The following IL1RAPL1 variants were observed in gnomAD, a reference collection of about 807,000 sequenced individuals.
IL1RAPL1 encodes interleukin-1 receptor accessory protein-like 1.
Under a neutral mutation model 48.4 loss-of-function variants are expected in IL1RAPL1, and 3 were observed. That is an observed-to-expected ratio of 0.06 (90% CI 0.03 to 0.16). The LOEUF (loss-of-function observed/expected upper bound fraction) is 0.16. IL1RAPL1 is among the 10% of genes least tolerant of loss of function. The pLI, the probability that IL1RAPL1 is intolerant of heterozygous loss-of-function variation, is 1.00. For synonymous variants in IL1RAPL1, 185 were observed against 187.7 expected (o/e 0.99, Z 0.12); for missense variants, 349 against 530.6 (o/e 0.66, Z 3.36).
chrX:29,128,137 G>A (rs981158865), intron 2 of IL1RAPL1, among the ~76,000 whole-genome samples: 1 of 110,703 alleles, frequency 9.0e-6, no homozygotes, highest in African/African-American at 3.3e-5. Context: ...ACTATACATT[G>A]AGGAAATTGA....
chrX:29,402,389 A>G (rs1233304546), intron 5 of IL1RAPL1, among the ~76,000 whole-genome samples: 11 of 111,404 alleles, frequency 9.9e-5, no homozygotes, highest in Admixed American at 9.6e-4. Flanking sequence ...TAGCATCTCT[A>G]TTGCAGCACT....
intron 3 of IL1RAPL1, among the ~76,000 whole-genome samples, chrX:29,378,760 C>T (rs1933656063): frequency 9.0e-6 from 1 of 111,556 alleles, no homozygotes; most frequent in Non-Finnish European, 1.9e-5. Context: ...CATTTGCAGC[C>T]ATGCTCTGTG....
At chrX:29,521,732 A>C (rs925742761) in intron 5 of IL1RAPL1, among the ~76,000 whole-genome samples, 9 of 111,922 alleles carry the variant, frequency 8.0e-5, no homozygotes, top group African/African-American at 2.9e-4. Context: ...GTAATTCCAC[A>C]GTCCCCAAAG....
chrX:29,603,478 A>G (rs1923791752), intron 5 of IL1RAPL1, among the ~76,000 whole-genome samples: 1 of 111,812 alleles, frequency 8.9e-6, no homozygotes, highest in African/African-American at 3.3e-5. Context: ...TGTGTTTTCC[A>G]ACATACGGAT....
intron 1 of IL1RAPL1, among the ~76,000 whole-genome samples, chrX:28,738,279 C>G (rs1266869142): frequency 8.9e-6 from 1 of 111,738 alleles, no homozygotes; most frequent in African/African-American, 3.2e-5. Context: ...TTTTAGAAAT[C>G]TACTTCATGT....
At chrX:29,488,435 TCAA>T (rs754305190) in intron 5 of IL1RAPL1, among the ~76,000 whole-genome samples, 1 of 111,781 alleles carries the variant, frequency 8.9e-6, no homozygotes, top group Non-Finnish European at 1.9e-5. Flanking sequence ...AGACTCCATC[TCAA>T]CAACAACAAC....
chrX:29,049,273 T>A (rs945260082), intron 2 of IL1RAPL1, among the ~76,000 whole-genome samples: 1 of 112,608 alleles, frequency 8.9e-6, no homozygotes, highest in Non-Finnish European at 1.9e-5. Context: ...CTTGGTATAA[T>A]GTTCCCTCCG....
intron 3 of IL1RAPL1, among the ~76,000 whole-genome samples, chrX:29,305,007 T>C (rs900330476): frequency 2.7e-5 from 3 of 112,354 alleles, no homozygotes; most frequent in Non-Finnish European, 5.6e-5. Context: ...GTGCTAATCA[T>C]TGAAGAACCT....
At chrX:29,308,985 T>C (rs1323461365) in intron 3 of IL1RAPL1, among the ~76,000 whole-genome samples, 1 of 112,336 alleles carries the variant, frequency 8.9e-6, no homozygotes, top group East Asian at 2.8e-4. Context: ...GGCTTTATCT[T>C]AAACACCAGC....
intron 2 of IL1RAPL1, among the ~76,000 whole-genome samples, chrX:29,188,132 C>T (rs929543810): frequency 8.9e-6 from 1 of 111,925 alleles, no homozygotes; most frequent in Non-Finnish European, 1.9e-5. Context: ...CAGCCTCAAC[C>T]ATGTGGTTAA....
At chrX:29,434,070 ATATTT>A (rs944223338) in intron 5 of IL1RAPL1, among the ~76,000 whole-genome samples, 1 of 109,711 alleles carries the variant, frequency 9.1e-6, no homozygotes, top group African/African-American at 3.3e-5. Context: ...TATAAAATAG[ATATTT>A]TATATTAATT....
chrX:29,656,426 C>T lies in IL1RAPL1; in HGVS notation c.704-12004C>T, dbSNP rs138320563. 4.1e-3 allele frequency among the ~76,000 whole-genome samples: 450 copies of T among 110,526 alleles called. 1 individual carries two copies. Among genetic ancestry groups the T allele is most frequent in the African/African-American group, 0.014 (436 of 30,356 alleles). On this transcript the variant is annotated intron_variant, in intron 5 of 10. Transcript: ENST00000378993. The stretch of plus-strand genomic sequence containing the variant: ...CTTTAATCCCGCACTCCCCTCCCAT[C>T]CTTCCCCCAACTCCCCAGAGTCCAT...
intron 6 of IL1RAPL1, among the ~76,000 whole-genome samples, chrX:29,816,885 T>C (rs1930506698): frequency 9.0e-6 from 1 of 110,532 alleles, no homozygotes; most frequent in Non-Finnish European, 1.9e-5. Context: ...GTAGCCTCTA[T>C]GTAAATATCG....
At chrX:29,365,692 A>G (rs1239583966) in intron 3 of IL1RAPL1, among the ~76,000 whole-genome samples, 3 of 109,757 alleles carry the variant, frequency 2.7e-5, no homozygotes, top group African/African-American at 1.0e-4. Flanking sequence ...CTCAAAAAAC[A>G]AAGAAAGAAA....
At chrX:28,589,201 G>A (rs1021185712) in intron 1 of IL1RAPL1, among the ~76,000 whole-genome samples, 4 of 111,373 alleles carry the variant, frequency 3.6e-5, no homozygotes, top group African/African-American at 1.3e-4. Flanking sequence ...GAGGGGAGAA[G>A]ATATGTGGAT....
intron 1 of IL1RAPL1, among the ~76,000 whole-genome samples, chrX:28,733,719 C>G (rs1935784950): frequency 9.0e-6 from 1 of 111,131 alleles, no homozygotes; most frequent in Non-Finnish European, 1.9e-5. Flanking sequence ...CTTCTCAATT[C>G]ACTTCCTTAG....
chrX:29,865,424 G>C (rs5973214), intron 6 of IL1RAPL1, among the ~76,000 whole-genome samples: 1 of 110,915 alleles, frequency 9.0e-6, no homozygotes, highest in African/African-American at 3.3e-5. Flanking sequence ...AGTTGTGTAC[G>C]TGAATGATAC....
chrX:29,182,588 T>C (rs1270432837), intron 2 of IL1RAPL1, among the ~76,000 whole-genome samples: 1 of 110,559 alleles, frequency 9.0e-6, no homozygotes, highest in African/African-American at 3.3e-5. Flanking sequence ...TTTTTTTTTT[T>C]TCACCTTTGT....
intron 3 of IL1RAPL1, among the ~76,000 whole-genome samples, chrX:29,391,026 T>C (rs1194574268): frequency 9.0e-6 from 1 of 110,673 alleles, no homozygotes; most frequent in Non-Finnish European, 1.9e-5. Flanking sequence ...ATACAAAAAT[T>C]AGCCTGGCGT....
Sources: allele counts gnomAD v4.1 joint callset (sites outside exome capture counted in the v4.1 genomes callset), GRCh38; gene constraint gnomAD v4.1.1; transcripts MANE v1.5; gene names NCBI Gene and HGNC (gene_info 2026-07-23, HGNC 2026-07-21).